PSME4: variants seen among roughly 807,000 people sequenced by gnomAD.
PSME4 encodes proteasome activator complex subunit 4.
A neutral mutation model predicts 253.9 loss-of-function variants in PSME4; 89 were observed. The ratio of observed to expected loss-of-function variants is 0.35; its 90% CI spans 0.30 to 0.42. PSME4 has a LOEUF of 0.42. Among genes scored for constraint, PSME4 ranks in the 10% least tolerant of loss-of-function variants. The pLI, the probability that PSME4 is intolerant of heterozygous loss-of-function variation, is 1.00. For missense variants in PSME4, 2,014 were observed against 2,195.2 expected, an observed-to-expected ratio of 0.92 and a Z score of 1.65; for synonymous variants, 851 against 759.2, an observed-to-expected ratio of 1.12 and a Z score of -1.99.
chr2:53,881,645 G>C (rs1360576312), intron 41 of PSME4: 1 of 151,978 alleles, frequency 6.6e-6, no homozygotes, highest in Non-Finnish European at 1.5e-5. Flanking sequence ...GAGCACAGTG[G>C]CGAGATCTGG....
chr2:53,878,593 A>G (rs1679240408), intron 41 of PSME4, among the ~76,000 whole-genome samples: 1 of 152,238 alleles, frequency 6.6e-6, no homozygotes, highest in South Asian at 2.1e-4. Context: ...TCCCTGAGAA[A>G]GAGAATGTGT....
At position 53,920,346 on chromosome 2, in the gene PSME4, C is replaced by A; in HGVS notation, c.2267G>T (p.Trp756Leu). The stretch of plus-strand genomic sequence containing the variant: ...ATTCCACAAGTCCCCGGGTTTGCCC[C>A]AGTCCTAGAAGAGAACAGCATCTAC... ...PPSEYFPIKD[W>L]GKPGDLWNLG... The change falls in exon 19 of 47, where the codon TGG becomes TTG. Residue 756 changes from tryptophan to leucine, a missense_variant. Transcript: ENST00000404125. 1 of 1,611,550 alleles carries A rather than the reference C, an allele frequency of 6.2e-7. No individual in the cohort carries two copies. Among genetic ancestry groups the A allele is most frequent in the South Asian group, 1.1e-5 (1 of 90,632 alleles).
intron 1 of PSME4, among the ~76,000 whole-genome samples, chr2:53,961,774 T>G (rs1670505320): frequency 6.6e-6 from 1 of 152,188 alleles, no homozygotes; most frequent in Admixed American, 6.6e-5. Flanking sequence ...GCAAGGCCAT[T>G]TTTATACTTT....
chr2:53,968,468 A>G (rs1670858099), intron 1 of PSME4, among the ~76,000 whole-genome samples: 1 of 152,154 alleles, frequency 6.6e-6, no homozygotes, highest in South Asian at 2.1e-4. Context: ...ACGTTTTGGC[A>G]TTATTCAGAT....
chr2:53,936,881 G>T (rs1669148562), intron 5 of PSME4, 54 bp from the exon 6 acceptor site: 2 of 1,204,802 alleles, frequency 1.7e-6, no homozygotes, highest in African/African-American at 1.6e-5. Flanking sequence ...GTGGTTCAAT[G>T]CCAGCTATGC....
At chr2:53,870,743 A>C (rs1678835582) in intron 43 of PSME4, 1 of 152,076 alleles carries the variant, frequency 6.6e-6, no homozygotes, top group Admixed American at 6.6e-5. Flanking sequence ...CTATATTCTT[A>C]ATTTGTGTAA....
intron 20 of PSME4, among the ~76,000 whole-genome samples, chr2:53,915,873 C>T (rs557181472): frequency 6.6e-6 from 1 of 152,172 alleles, no homozygotes; most frequent in South Asian, 2.1e-4. Context: ...GAGTTCGAGA[C>T]CAGCCTGGCC....
Position 53,944,516 on chromosome 2 carries a change from A to C in PSME4, c.500+3905T>G, listed in dbSNP as rs145787765. Among the ~76,000 whole-genome samples, 976 of 152,332 alleles carry C rather than the reference A, an allele frequency of 6.4e-3. 11 individuals carry two copies. The highest frequency in any genetic ancestry group is 0.022 in the African/African-American group (924 of 41,562). Reference sequence around the variant, plus strand: ...AAAGAATATTTTTTAAATAAATAGGATGTTCTCCAAATACTACATTAAAAA... The same window carrying C: ...AAAGAATATTTTTTAAATAAATAGGCTGTTCTCCAAATACTACATTAAAAA... On this transcript the variant is annotated intron_variant, in intron 3 of 46. Transcript: ENST00000404125.
At chr2:53,915,434 T>A (rs1435422333) in intron 20 of PSME4, among the ~76,000 whole-genome samples, 3 of 151,118 alleles carry the variant, frequency 2.0e-5, no homozygotes, top group African/African-American at 7.3e-5. Flanking sequence ...AGCAAGACTC[T>A]ATCTCAAAAA....
chr2:53,879,401 G>C (rs1679277903), intron 41 of PSME4, among the ~76,000 whole-genome samples: 1 of 152,080 alleles, frequency 6.6e-6, no homozygotes, highest in Non-Finnish European at 1.5e-5. Context: ...CAGAAAAAAA[G>C]CAAAAGCAAA....
Position 53,910,125 on chromosome 2 carries a change from G to C in PSME4, c.2522C>G (p.Pro841Arg). ...LKGEPVTNLV[P>R]SMVSLEETKL... ...TGTCTCTTCCAAGGACACCATACTT[G>C]GTACTCTGTATAAAAACAAGAGTGC... Residue 841 changes from proline (P) to arginine (R), a missense_variant, in exon 21 of 47, where the codon CCA becomes CGA. Pro to Arg is a moderately radical substitution (Grantham distance 103). This residue lies in a region of PSME4 where 989 missense variants were observed against 1,021.1 expected (regional missense o/e 0.97). Coordinates refer to ENST00000404125, the MANE Select transcript of PSME4 (RefSeq NM_014614.3). The C allele has an allele frequency of 6.2e-7, 1 of 1,605,904 alleles. No individual in the cohort carries two copies. Among genetic ancestry groups the C allele is most frequent in the Non-Finnish European group, 8.5e-7 (1 of 1,172,766 alleles).
intron 1 of PSME4, among the ~76,000 whole-genome samples, chr2:53,965,666 T>G (rs1196450640): frequency 1.7e-5 from 2 of 115,056 alleles, no homozygotes; most frequent in Non-Finnish European, 3.7e-5. Flanking sequence ...TTGTGTGTTT[T>G]TTTGTTTTTT....
intron 1 of PSME4, among the ~76,000 whole-genome samples, chr2:53,957,162 G>A (rs879373992): frequency 6.6e-6 from 1 of 152,266 alleles, no homozygotes; most frequent in African/African-American, 2.4e-5. Flanking sequence ...AAGTTCTTTA[G>A]AGCAGTGGTC....
chr2:53,937,405 A>G lies in PSME4; in HGVS notation c.681T>C (p.His227=). ...FLPTSLPPEL[H]HKGFKLWFDE... The stretch of plus-strand genomic sequence containing the variant: ...AACATACTTACTTAAAACCTTTATG[A>G]TGAAGTTCTGGAGGAAGGGAGGTAG... Residue 227 remains histidine, a synonymous_variant, in exon 5 of 47, where the codon CAT becomes CAC. Transcript: ENST00000404125. 1 of 1,598,866 alleles carries G rather than the reference A, an allele frequency of 6.3e-7. No individual in the cohort carries two copies. The highest frequency in any genetic ancestry group is 1.1e-5 in the South Asian group (1 of 88,934).
intron 41 of PSME4, among the ~76,000 whole-genome samples, chr2:53,878,176 T>G (rs1326124950): frequency 2.6e-5 from 4 of 152,214 alleles, no homozygotes; most frequent in African/African-American, 4.8e-5. Flanking sequence ...TGGACATTTA[T>G]TAGTTCCCCA....
chr2:53,887,699 G>C (rs973444382), intron 39 of PSME4, among the ~76,000 whole-genome samples, 159 bp downstream of exon 39: 3 of 152,044 alleles, frequency 2.0e-5, no homozygotes, highest in Non-Finnish European at 4.4e-5. Flanking sequence ...TACATTCAGA[G>C]TGTTTCATCT....
At chr2:53,909,038 G>GGTC (rs1667701749) in intron 21 of PSME4, among the ~76,000 whole-genome samples, 198 bp from the exon 22 acceptor site, 1 of 151,854 alleles carries the variant, frequency 6.6e-6, no homozygotes, top group African/African-American at 2.4e-5. Context: ...CTGCTTATGA[G>GGTC]ATGTCTATCA....
chr2:53,892,625 A>G (rs780067287), intron 36 of PSME4, among the ~76,000 whole-genome samples, 183 bp downstream of exon 36: 2 of 152,186 alleles, frequency 1.3e-5, no homozygotes, highest in African/African-American at 2.4e-5. Context: ...TAAAGATAGT[A>G]AATGTTCCTA....
rs372297988 is a variant in PSME4, at chr2:53,906,571, A to G, written c.2943+27T>C. On this transcript the variant is annotated intron_variant, in intron 26 of 46. Coordinates refer to ENST00000404125, the MANE Select transcript of PSME4 (RefSeq NM_014614.3). ...GCATGTAATAAAATGGGAGGGCATGAGAGTGCAGCGTTTGGATAAGCCTTA... is the reference window on the plus strand; with the variant it reads ...GCATGTAATAAAATGGGAGGGCATGGGAGTGCAGCGTTTGGATAAGCCTTA... 2.7e-6 allele frequency: 4 copies of G among 1,508,890 alleles called. No homozygotes were observed. The Admixed American group carries it at 9.2e-5, about 35-fold the overall frequency. The allele number at this position is 1,508,890 out of a possible 1,614,324, so 93.5% of individuals were successfully genotyped here.
Sources: allele counts gnomAD v4.1 joint callset (sites outside exome capture counted in the v4.1 genomes callset), GRCh38; gene constraint gnomAD v4.1.1; regional missense constraint gnomAD v4.1.1; transcripts MANE v1.5; gene names NCBI Gene and HGNC (gene_info 2026-07-23, HGNC 2026-07-21).